Variants in TIAM1 observed in about 807,000 individuals in gnomAD.
TIAM1 encodes the protein rho guanine nucleotide exchange factor TIAM1.
A neutral mutation model predicts 163.5 loss-of-function variants in TIAM1; 65 were observed. That is an observed-to-expected ratio of 0.40 (90% CI 0.33 to 0.49). The LOEUF is 0.49. TIAM1 is among the 20% of genes least tolerant of loss of function. The pLI, the probability that TIAM1 is intolerant of heterozygous loss-of-function variation, is 0.77. For missense variants in TIAM1, 1,789 were observed against 2,044.7 expected, an observed-to-expected ratio of 0.87 and a Z score of 2.41; for synonymous variants, 833 against 810.1, an observed-to-expected ratio of 1.03 and a Z score of -0.48.
At chr21:31,303,907 G>A (rs1458826894) in intron 2 of TIAM1, among the ~76,000 whole-genome samples, 9 of 152,164 alleles carry the variant, frequency 5.9e-5, no homozygotes, top group Admixed American at 2.6e-4. Context: ...GAACCCTGGA[G>A]GCGGAGGTTG....
intron 1 of TIAM1, among the ~76,000 whole-genome samples, chr21:31,521,617 G>A (rs1439562912): frequency 6.6e-6 from 1 of 152,012 alleles, no homozygotes; most frequent in Non-Finnish European, 1.5e-5. Flanking sequence ...TGCACCTGTA[G>A]TCCCAGCTAT....
chr21:31,225,694 T>G, intron 7 of TIAM1, 32 bp downstream of exon 7: 2 of 1,585,200 alleles, frequency 1.3e-6, no homozygotes, highest in Non-Finnish European at 1.7e-6. Flanking sequence ...CCTAACAATT[T>G]TGTCCGGACC....
chr21:31,320,780 T>C (rs1477570324), intron 2 of TIAM1, among the ~76,000 whole-genome samples: 1 of 152,162 alleles, frequency 6.6e-6, no homozygotes. Context: ...GATCACTTGA[T>C]GCCACAAGTT....
At chr21:31,342,680 C>T (rs2076057111) in intron 1 of TIAM1, among the ~76,000 whole-genome samples, 1 of 152,106 alleles carries the variant, frequency 6.6e-6, no homozygotes, top group African/African-American at 2.4e-5. Flanking sequence ...GATCACAGAC[C>T]TCATGTCAGC....
Position 31,221,721 on chromosome 21 carries a change from A to AC in TIAM1, c.1995+1684dup, listed in dbSNP as rs1384234421. On this transcript the variant is annotated intron_variant, in intron 8 of 27. Transcript: ENST00000541036. ...CGGGTTTGGTATTAATACAGATGGT[A>AC]CCTCGATGACATCACGAGTTCCCTT... 1.3e-5 allele frequency among the ~76,000 whole-genome samples: 2 copies of AC among 152,212 alleles called. 1 individual carries two copies. Among genetic ancestry groups the AC allele is most frequent in the African/African-American group, 4.8e-5 (2 of 41,450 alleles).
intron 1 of TIAM1, among the ~76,000 whole-genome samples, chr21:31,517,873 T>C (rs1215274499): frequency 6.6e-6 from 1 of 152,160 alleles, no homozygotes; most frequent in Non-Finnish European, 1.5e-5. Context: ...CTTATCTTCC[T>C]AGTCACTCCT....
chr21:31,240,013 G>A (rs529752830), intron 6 of TIAM1, among the ~76,000 whole-genome samples: 3 of 152,254 alleles, frequency 2.0e-5, no homozygotes, highest in Non-Finnish European at 2.9e-5. Context: ...AACATAACCT[G>A]AGAACAGGTA....
chr21:31,451,823 T>C (rs2147327569), intron 2 of TIAM1, among the ~76,000 whole-genome samples: 1 of 151,770 alleles, frequency 6.6e-6, no homozygotes, highest in African/African-American at 2.4e-5. Flanking sequence ...AAAACTAGTG[T>C]TTAGGAAGAT....
At chr21:31,514,598 C>A (rs1274022983) in intron 1 of TIAM1, among the ~76,000 whole-genome samples, 1 of 151,896 alleles carries the variant, frequency 6.6e-6, no homozygotes, top group Non-Finnish European at 1.5e-5. Context: ...CAGGCTGAGG[C>A]ACGAGAATCG....
intron 6 of TIAM1, among the ~76,000 whole-genome samples, chr21:31,243,742 C>T (rs988662132): frequency 3.3e-5 from 5 of 152,154 alleles, no homozygotes; most frequent in Non-Finnish European, 7.3e-5. Context: ...GACAAAGTCA[C>T]GATCTTCAAA....
intron 1 of TIAM1, among the ~76,000 whole-genome samples, chr21:31,490,648 TG>T (rs938719998): frequency 3.3e-5 from 5 of 152,206 alleles, no homozygotes; most frequent in African/African-American, 1.2e-4. Flanking sequence ...GGGTTAGGGC[TG>T]GCCATGTGAC....
chr21:31,526,627 G>A (rs914926611), intron 1 of TIAM1, among the ~76,000 whole-genome samples: 4 of 152,128 alleles, frequency 2.6e-5, no homozygotes, highest in African/African-American at 7.2e-5. Context: ...TAAGCCTGGG[G>A]TCACATATCT....
chr21:31,510,655 A>C (rs1602455037), intron 1 of TIAM1, among the ~76,000 whole-genome samples: 2 of 152,146 alleles, frequency 1.3e-5, no homozygotes, highest in Admixed American at 6.6e-5. Context: ...TCTACTAAAA[A>C]TACAAAAAAT....
intron 7 of TIAM1, among the ~76,000 whole-genome samples, chr21:31,224,138 T>C (rs976074332): frequency 6.6e-6 from 1 of 152,108 alleles, no homozygotes; most frequent in African/African-American, 2.4e-5. Context: ...AGTGGCAAAA[T>C]AATAACTACC....
intron 2 of TIAM1, among the ~76,000 whole-genome samples, chr21:31,413,264 C>CTTTTTTTTTTTTTTTTTTTTT (rs397866519): frequency 1.8e-4 from 16 of 87,876 alleles, no homozygotes; most frequent in Non-Finnish European, 2.0e-4. Context: ...CTTTTCTTTT[C>CTTTTTTTTTTTTTTTTTTTTT]TTTTTTTTTT....
At chr21:31,296,285 C>T (rs759174606) in intron 2 of TIAM1, among the ~76,000 whole-genome samples, 4 of 151,940 alleles carry the variant, frequency 2.6e-5, no homozygotes, top group Admixed American at 6.6e-5. Context: ...GAAGAGAATA[C>T]TCATTCCAAA....
chr21:31,250,828 T>C (rs1007244439), intron 5 of TIAM1, among the ~76,000 whole-genome samples: 1 of 152,204 alleles, frequency 6.6e-6, no homozygotes, highest in South Asian at 2.1e-4. Context: ...AATACGTACA[T>C]GTACTTCACG....
chr21:31,247,463 T>C (rs2071567672), intron 5 of TIAM1, among the ~76,000 whole-genome samples: 4 of 152,016 alleles, frequency 2.6e-5, no homozygotes, highest in Admixed American at 1.3e-4. Context: ...GGCACAATCA[T>C]AGCTCACTGC....
intron 2 of TIAM1, among the ~76,000 whole-genome samples, chr21:31,295,983 G>A (rs2074247442): frequency 6.6e-6 from 1 of 152,084 alleles, no homozygotes; most frequent in Admixed American, 6.6e-5. Context: ...ATGTTTACTA[G>A]AGACGGGTTT....
Sources: gnomAD v4.1 joint callset for allele counts (sites outside exome capture counted in the v4.1 genomes callset) on GRCh38, gnomAD v4.1.1 for gene constraint, MANE v1.5 for transcripts, NCBI Gene and HGNC (gene_info 2026-07-23, HGNC 2026-07-21) for gene names.